Variants in PCDH15 observed in about 807,000 individuals in gnomAD.
PCDH15 encodes the protein protocadherin related 15.
PCDH15 carries 129 observed loss-of-function variants against 178.5 expected under a neutral mutation model. The observed-to-expected ratio is 0.72, with a 90% confidence interval of 0.63 to 0.84. The LOEUF is 0.84. Among genes scored for constraint, PCDH15 ranks in the 40% least tolerant of loss-of-function variants. The pLI, the probability that PCDH15 is intolerant of heterozygous loss-of-function variation, is 0.00. For synonymous variants in PCDH15, 800 were observed against 732.0 expected (o/e 1.09, Z -1.50); for missense variants, 2,230 against 2,099.9 (o/e 1.06, Z -1.21).
intron 3 of PCDH15, among the ~76,000 whole-genome samples, chr10:54,891,912 T>A (rs1954468423): frequency 6.6e-6 from 1 of 152,056 alleles, no homozygotes; most frequent in Admixed American, 6.6e-5. Context: ...TCACAAATCA[T>A]GTAGAGACTC....
intron 1 of PCDH15, among the ~76,000 whole-genome samples, chr10:54,740,844 A>C (rs1452711660): frequency 1.3e-5 from 2 of 151,994 alleles, no homozygotes; most frequent in Non-Finnish European, 2.9e-5. Flanking sequence ...TAATGACTAT[A>C]ACAGTGGTTA....
intron 11 of PCDH15, among the ~76,000 whole-genome samples, chr10:54,194,080 A>G (rs2049318110): frequency 6.7e-6 from 1 of 149,626 alleles, no homozygotes; most frequent in African/African-American, 2.5e-5. Context: ...AAAAAAAGCT[A>G]GAATGGAAAA....
At chr10:54,929,668 G>T (rs2131851640) in intron 2 of PCDH15, among the ~76,000 whole-genome samples, 1 of 152,266 alleles carries the variant, frequency 6.6e-6, no homozygotes, top group African/African-American at 2.4e-5. Context: ...TAATTAGGAA[G>T]TTGCCAATAG....
intron 8 of PCDH15, 97 bp downstream of exon 8, chr10:54,317,174 T>A: frequency 7.5e-7 from 1 of 1,327,898 alleles, no homozygotes; most frequent in Non-Finnish European, 1.1e-6. Flanking sequence ...ATACTGAGTT[T>A]TGCTATTATA....
rs766971469 is a variant in PCDH15, at chr10:54,089,995, A to T, written c.1986T>A (p.Asn662Lys). Residue 662 changes from asparagine to lysine, a missense_variant, in exon 16 of 38, where the codon AAT becomes AAA. By Grantham distance (94) the Asn-to-Lys change is moderately conservative. Coordinates refer to ENST00000644397, the MANE Select transcript of PCDH15 (RefSeq NM_001384140.1). Reference sequence around the variant, plus strand: ...CATTTTTAACTTACGTTTCTGAAAGATTAAAAACTCTCTGAGGATCTCCAT... The same window carrying T: ...CATTTTTAACTTACGTTTCTGAAAGTTTAAAAACTCTCTGAGGATCTCCAT... ...IENGDPQRVF[N>K]LSETTGILTL... is the part of the protein sequence containing the mutation. 1.9e-6 allele frequency: 3 copies of T among 1,609,250 alleles called. No individual in the cohort carries two copies. The highest frequency in any genetic ancestry group is 2.6e-6 in the Non-Finnish European group (3 of 1,176,010).
At chr10:54,858,654 C>T (rs982410930) in intron 3 of PCDH15, among the ~76,000 whole-genome samples, 8 of 151,972 alleles carry the variant, frequency 5.3e-5, no homozygotes, top group African/African-American at 1.4e-4. Flanking sequence ...ATAATCTTCA[C>T]ATTGATAGCT....
At chr10:54,308,107 A>C (rs2060665031) in intron 8 of PCDH15, among the ~76,000 whole-genome samples, 2 of 152,114 alleles carry the variant, frequency 1.3e-5, no homozygotes, top group Non-Finnish European at 2.9e-5. Flanking sequence ...CACAAGATTT[A>C]AATTCAGACT....
chr10:54,752,004 A>C (rs1946295930), intron 1 of PCDH15, among the ~76,000 whole-genome samples: 1 of 152,182 alleles, frequency 6.6e-6, no homozygotes, highest in Non-Finnish European at 1.5e-5. Context: ...TTAGGAAAAG[A>C]CTTGTTTTAT....
At position 53,980,906 on chromosome 10, in the gene PCDH15, G is replaced by A. The variant is rs188537086; in HGVS notation, c.2868+14743C>T. On this transcript the variant is annotated intron_variant, in intron 21 of 37. Coordinates refer to ENST00000644397, the MANE Select transcript of PCDH15 (RefSeq NM_001384140.1). ...TTAGGTATCTTTCTAAATATGATTG[G>A]GGGTAGTATGTAACTTATTTAAATA... Among the ~76,000 whole-genome samples, 401 of 152,120 alleles carry A rather than the reference G, an allele frequency of 2.6e-3. 1 individual carries two copies. Among genetic ancestry groups the A allele is most frequent in the Middle Eastern group, 0.01 (3 of 294 alleles).
intron 3 of PCDH15, among the ~76,000 whole-genome samples, chr10:54,829,910 A>G (rs1953195378): frequency 6.6e-6 from 1 of 152,104 alleles, no homozygotes; most frequent in Non-Finnish European, 1.5e-5. Flanking sequence ...TACACCTATA[A>G]ATATTATTCC....
chr10:53,961,974 A>G (rs1168166491), intron 21 of PCDH15, 82 bp from the exon 22 acceptor site: 4 of 1,142,622 alleles, frequency 3.5e-6, no homozygotes. Context: ...GATCTTTAAA[A>G]TTCATGGTCT....
At chr10:55,449,258 T>G (rs1337417478) in intron 2 of PCDH15, among the ~76,000 whole-genome samples, 1 of 152,078 alleles carries the variant, frequency 6.6e-6, no homozygotes, top group Non-Finnish European at 1.5e-5. Context: ...TACAGAATGG[T>G]ACCACTACCT....
intron 2 of PCDH15, among the ~76,000 whole-genome samples, chr10:54,940,451 T>C (rs1838033066): frequency 6.6e-6 from 1 of 152,188 alleles, no homozygotes; most frequent in African/African-American, 2.4e-5. Context: ...GCCTACAATA[T>C]GATCCTTGAA....
intron 3 of PCDH15, among the ~76,000 whole-genome samples, chr10:54,865,802 A>G (rs1171794471): frequency 2.0e-5 from 3 of 152,226 alleles, no homozygotes; most frequent in Non-Finnish European, 4.4e-5. Flanking sequence ...AAGTAAAGTC[A>G]ATCTAATGAT....
intron 3 of PCDH15, among the ~76,000 whole-genome samples, chr10:54,852,021 G>A (rs1395072656): frequency 6.6e-6 from 1 of 152,132 alleles, no homozygotes; most frequent in Non-Finnish European, 1.5e-5. Context: ...TATAACAAGA[G>A]TTTAAATTTA....
chr10:55,401,907 A>C (rs1287141213), intron 2 of PCDH15, among the ~76,000 whole-genome samples: 1 of 152,064 alleles, frequency 6.6e-6, no homozygotes, highest in Non-Finnish European at 1.5e-5. Context: ...ATATTTACAG[A>C]ATGGATGCTA....
chr10:55,222,736 T>TATATATATATATATATATAC (rs1840920425), intron 1 of PCDH15, among the ~76,000 whole-genome samples: 1 of 42,580 alleles, frequency 2.3e-5, no homozygotes, highest in East Asian at 9.5e-4. Flanking sequence ...CACACATATA[T>TATATATATATATATATATAC]ATATATATAT....
chr10:54,209,397 C>A (rs948374208), intron 10 of PCDH15, among the ~76,000 whole-genome samples: 4 of 151,928 alleles, frequency 2.6e-5, no homozygotes, highest in African/African-American at 9.7e-5. Flanking sequence ...TAAAGAATTG[C>A]AGTAGATGAG....
chr10:53,984,189 C>T (rs534810141), intron 21 of PCDH15, among the ~76,000 whole-genome samples: 1 of 130,230 alleles, frequency 7.7e-6, no homozygotes, highest in Admixed American at 8.8e-5. Flanking sequence ...TTGCTCTGTC[C>T]TCCATGCTTG....
Sources: allele counts gnomAD v4.1 joint callset (sites outside exome capture counted in the v4.1 genomes callset), GRCh38; gene constraint gnomAD v4.1.1; transcripts MANE v1.5; gene names NCBI Gene and HGNC (gene_info 2026-07-23, HGNC 2026-07-21).